Variants in EFR3A observed in about 807,000 individuals in gnomAD.
EFR3A encodes EFR3 homolog A.
Under a neutral mutation model 104.4 loss-of-function variants are expected in EFR3A, and 76 were observed. The observed-to-expected ratio is 0.73, with a 90% CI of 0.60 to 0.88. EFR3A has a LOEUF of 0.88. Ranked by LOEUF, EFR3A falls within the 40% of genes least tolerant of loss-of-function variation. The pLI, the probability that EFR3A is intolerant of heterozygous loss-of-function variation, is 0.00. For synonymous variants in EFR3A, 330 were observed against 330.0 expected (o/e 1.00, Z 0.00); for missense variants, 985 against 1,012.5 (o/e 0.97, Z 0.37).
At chr8:131,923,285 A>G (rs1817139200) in intron 1 of EFR3A, among the ~76,000 whole-genome samples, 1 of 152,134 alleles carries the variant, frequency 6.6e-6, no homozygotes, top group African/African-American at 2.4e-5. Flanking sequence ...GCCATTGATC[A>G]TGTATACTTT....
At chr8:131,980,108 A>G (rs948895232) in intron 14 of EFR3A, among the ~76,000 whole-genome samples, 4 of 152,086 alleles carry the variant, frequency 2.6e-5, no homozygotes, top group Non-Finnish European at 4.4e-5. Flanking sequence ...TATAACGAAC[A>G]CAGTATTGCC....
chr8:131,963,463 A>T (rs1819518341), intron 8 of EFR3A, among the ~76,000 whole-genome samples: 1 of 152,236 alleles, frequency 6.6e-6, no homozygotes, highest in African/African-American at 2.4e-5. Context: ...ATAAACTAGA[A>T]AATCTAGAAG....
At chr8:131,926,267 A>AT (rs1817293956) in intron 1 of EFR3A, among the ~76,000 whole-genome samples, 1 of 152,172 alleles carries the variant, frequency 6.6e-6, no homozygotes, top group Non-Finnish European at 1.5e-5. Context: ...TTAAAAAACC[A>AT]TTTTTATTGT....
intron 1 of EFR3A, among the ~76,000 whole-genome samples, chr8:131,912,110 A>G (rs1410183701): frequency 6.6e-6 from 1 of 150,692 alleles, no homozygotes; most frequent in Non-Finnish European, 1.5e-5. Context: ...GTCAGAGAAA[A>G]ACTTTTGTTT....
intron 8 of EFR3A, among the ~76,000 whole-genome samples, chr8:131,959,977 T>A (rs1022743137): frequency 6.6e-6 from 1 of 152,208 alleles, no homozygotes; most frequent in African/African-American, 2.4e-5. Flanking sequence ...TTCCGAATTA[T>A]CACAGGGATT....
intron 19 of EFR3A, chr8:132,001,051 T>A (rs1298787178): frequency 6.6e-6 from 1 of 152,246 alleles, no homozygotes; most frequent in Non-Finnish European, 1.5e-5. Flanking sequence ...CTATAGGAAC[T>A]GGATATATTA....
chr8:131,927,911 C>T (rs184602747), intron 1 of EFR3A, among the ~76,000 whole-genome samples: 1 of 152,278 alleles, frequency 6.6e-6, no homozygotes, highest in African/African-American at 2.4e-5. Context: ...ATGTGATGAA[C>T]TGTGAAAGCC....
chr8:131,909,408 G>A (rs62521265), intron 1 of EFR3A, among the ~76,000 whole-genome samples: 307 of 152,156 alleles, frequency 2.0e-3, no homozygotes, highest in Non-Finnish European at 3.6e-3. Context: ...TTAGCCAGGT[G>A]TGTTGGTACA....
At chr8:131,954,492 A>G (rs887741273) in intron 6 of EFR3A, among the ~76,000 whole-genome samples, 1 of 151,754 alleles carries the variant, frequency 6.6e-6, no homozygotes, top group African/African-American at 2.4e-5. Context: ...ATATAGGCTT[A>G]TTTTTTCTTT....
chr8:131,991,347 C>T (rs1290967748), intron 18 of EFR3A, among the ~76,000 whole-genome samples: 2 of 152,124 alleles, frequency 1.3e-5, no homozygotes, highest in East Asian at 1.9e-4. Flanking sequence ...ACAGCCAAAC[C>T]ATATCAGCTG....
chr8:132,013,161 GATAA>G lies in EFR3A; in HGVS notation c.*2272_*2275del, dbSNP rs1053393839. ...TTCACTGTATTGCTATATTTTTGTAGATAAATAAAACTCAATAAATTGTTAATCA... is the reference window on the plus strand; with the variant it reads ...TTCACTGTATTGCTATATTTTTGTAGATAAAACTCAATAAATTGTTAATCA... On this transcript the variant is annotated 3_prime_UTR_variant, in exon 23 of 23. Transcript: ENST00000254624. 1 of 152,144 alleles carries G rather than the reference GATAA, an allele frequency of 6.6e-6. No individual in the cohort carries two copies. The highest frequency in any genetic ancestry group is 1.5e-5 in the Non-Finnish European group (1 of 68,020). The allele number at this position is 152,144 out of a possible 1,614,324, so 9.4% of individuals were successfully genotyped here.
At chr8:131,969,871 A>T (rs1213699728) in intron 9 of EFR3A, among the ~76,000 whole-genome samples, 1 of 152,170 alleles carries the variant, frequency 6.6e-6, no homozygotes, top group African/African-American at 2.4e-5. Context: ...CCTTTCCTGA[A>T]GAAGCTTAAA....
At chr8:131,919,010 A>G (rs537559478) in intron 1 of EFR3A, among the ~76,000 whole-genome samples, 1 of 152,196 alleles carries the variant, frequency 6.6e-6, no homozygotes, top group Non-Finnish European at 1.5e-5. Context: ...TAACAAACTA[A>G]TATTTTTTGA....
chr8:131,919,770 T>C (rs1016983780), intron 1 of EFR3A, among the ~76,000 whole-genome samples: 11 of 151,900 alleles, frequency 7.2e-5, no homozygotes, highest in African/African-American at 2.7e-4. Context: ...ACTCAAACTT[T>C]AGTAAGTATT....
Position 131,946,616 on chromosome 8 carries a change from G to A in EFR3A, c.349G>A (p.Val117Ile), listed in dbSNP as rs763063930. 2.5e-6 allele frequency: 4 copies of A among 1,601,248 alleles called. No individual in the cohort carries two copies. Among genetic ancestry groups the A allele is most frequent in the Non-Finnish European group, 3.4e-6 (4 of 1,174,298 alleles). The change falls in exon 4 of 23, where the codon GTT becomes ATT. Residue 117 changes from valine to isoleucine, a missense_variant. Transcript: ENST00000254624. ...GGAATCGGGGGAACCAAAGCTTCAA[G>A]TTCTTGGAACAAATTCTGTGAGTAA... ...LLESGEPKLQ[V>I]LGTNSFVKFA... is the part of the protein sequence containing the mutation.
intron 1 of EFR3A, among the ~76,000 whole-genome samples, chr8:131,908,438 C>A (rs1317183040): frequency 6.6e-6 from 1 of 152,144 alleles, no homozygotes; most frequent in Non-Finnish European, 1.5e-5. Flanking sequence ...TTCCAACTTA[C>A]TGATTACTTT....
At chr8:131,991,565 G>A (rs1432022612) in intron 18 of EFR3A, among the ~76,000 whole-genome samples, 1 of 152,106 alleles carries the variant, frequency 6.6e-6, no homozygotes, top group Non-Finnish European at 1.5e-5. Flanking sequence ...AGATAGGACT[G>A]GGTTTTGTGT....
intron 3 of EFR3A, 34 bp from the exon 4 acceptor site, chr8:131,946,449 A>G (rs1414677947): frequency 6.7e-7 from 1 of 1,503,432 alleles, no homozygotes; most frequent in African/African-American, 1.4e-5. Flanking sequence ...AGAGAGGTAG[A>G]AATGCTTTGA....
chr8:132,007,232 C>T (rs1253065625), intron 22 of EFR3A, among the ~76,000 whole-genome samples: 2 of 151,324 alleles, frequency 1.3e-5, no homozygotes, highest in African/African-American at 2.4e-5. Context: ...TGTGGAAAAT[C>T]GTAAGTAATC....
Sources: allele counts gnomAD v4.1 joint callset (sites outside exome capture counted in the v4.1 genomes callset), GRCh38; gene constraint gnomAD v4.1.1; transcripts MANE v1.5; gene names NCBI Gene and HGNC (gene_info 2026-07-23, HGNC 2026-07-21).